Variants in PPT1 observed in about 807,000 individuals in gnomAD.
PPT1 encodes ceroid-palmitoyl-palmitoyl-protein thioesterase 1.
Under a neutral mutation model 44.0 loss-of-function variants are expected in PPT1, and 24 were observed. That is an observed-to-expected ratio of 0.54 (90% CI 0.39 to 0.77). The LOEUF (loss-of-function observed/expected upper bound fraction) is 0.77. Ranked by LOEUF, PPT1 falls within the 30% of genes least tolerant of loss-of-function variation. PPT1 has a pLI of 0.00. For missense variants in PPT1, 341 were observed against 378.8 expected (o/e 0.90, Z 0.83); for synonymous variants, 148 against 140.2 (o/e 1.06, Z -0.39).
chr1:40,097,102 C>T lies in PPT1; in HGVS notation c.124+13G>A, dbSNP rs763458409. On this transcript the variant is annotated intron_variant, in intron 1 of 8. Coordinates refer to ENST00000642050, the MANE Select transcript of PPT1 (RefSeq NM_000310.4). ...AGAATCGCCAAACCCTTTTAAATTT[C>T]TCACTCACTCACCCATCCCATGCCA... 1.2e-5 allele frequency: 20 copies of T among 1,613,998 alleles called. No individual in the cohort carries two copies. The East Asian group carries it at 4.5e-4, about 36-fold the overall frequency.
intron 7 of PPT1, among the ~76,000 whole-genome samples, chr1:40,077,252 G>A (rs1181174936): frequency 1.3e-5 from 2 of 152,184 alleles, no homozygotes; most frequent in East Asian, 1.9e-4. Context: ...TGCAAGGCAC[G>A]GAAACAATTC....
chr1:40,073,097 C>T lies in PPT1; in HGVS notation c.*964G>A, dbSNP rs950132998. On this transcript the variant is annotated 3_prime_UTR_variant, in exon 9 of 9. Transcript: ENST00000642050. ...GAGAAAGGGAGTGTGTAGTATTTTC[C>T]AAGCTTTTTGAGCAAACAATCCTTT... 2 of 152,172 alleles carry T rather than the reference C, an allele frequency of 1.3e-5. No individual in the cohort carries two copies. Among genetic ancestry groups the T allele is most frequent in the Non-Finnish European group, 2.9e-5 (2 of 68,038 alleles). The allele number at this position is 152,172 out of a possible 1,614,324, so 9.4% of individuals were successfully genotyped here.
intron 5 of PPT1, 103 bp from the exon 6 acceptor site, chr1:40,080,590 G>A: frequency 9.1e-7 from 1 of 1,100,858 alleles, no homozygotes; most frequent in Non-Finnish European, 1.4e-6. Flanking sequence ...AAGGACAAAA[G>A]GCCAGCCAGG....
Position 40,092,284 on chromosome 1 carries a change from G to A in PPT1, c.235-112C>T, listed in dbSNP as rs554784040. 11 of 1,541,906 alleles carry A rather than the reference G, an allele frequency of 7.1e-6. No individual in the cohort carries two copies. In the East Asian group the frequency reaches 2.2e-4, roughly 32 times the overall value. ...GTATCCTCACATGAGCCACTCAAGG[G>A]TGAAAGTATCACTGTATGATCTGCT... On this transcript the variant is annotated intron_variant, in intron 2 of 8. Transcript: ENST00000642050.
At chr1:40,092,535 C>T in intron 1 of PPT1, 28 bp from the exon 2 acceptor site, 2 of 1,501,692 alleles carry the variant, frequency 1.3e-6, no homozygotes, top group Non-Finnish European at 1.9e-6. Context: ...ATGATGGAAA[C>T]TCATGAGTCC....
intron 5 of PPT1, among the ~76,000 whole-genome samples, chr1:40,081,913 A>T (rs956155121): frequency 3.3e-5 from 5 of 152,146 alleles, no homozygotes; most frequent in Non-Finnish European, 5.9e-5. Context: ...CTTTCTAGAG[A>T]CTTGTTGAAT....
rs1381558395 is a variant in PPT1, at chr1:40,076,898, T to C, written c.742A>G (p.Arg248Gly). 1.2e-6 allele frequency: 2 copies of C among 1,614,076 alleles called. No homozygotes were observed. The highest frequency in any genetic ancestry group is 1.7e-6 in the Non-Finnish European group (2 of 1,180,024). The change falls in exon 8 of 9, where the codon AGA becomes GGA. Residue 248 changes from arginine (R) to glycine (G), a missense_variant. Physicochemically the swap from Arg to Gly is moderately radical, Grantham distance 125. Coordinates refer to ENST00000642050, the MANE Select transcript of PPT1 (RefSeq NM_000310.4). ...PVDSEWFGFY[R>G]SGQAKETIPL... is the part of the protein sequence containing the mutation. ...ATGGTTTCCTTGGCTTGGCCACTTC[T>C]GTAAAATCCAAACCACTGCAGAAGA... is the stretch of plus-strand genomic sequence containing the variant.
intron 1 of PPT1, chr1:40,096,806 C>A: frequency 2.3e-6 from 1 of 432,086 alleles, no homozygotes; most frequent in Non-Finnish European, 4.3e-6. Context: ...AGCCGCAGCT[C>A]ACCTAGCCTG....
chr1:40,091,358 T>C lies in PPT1; in HGVS notation c.404A>G (p.Asn135Ser), dbSNP rs1342695798. ...AQRCPSPPMI[N>S]LISVGGQHQG... Reference sequence around the variant, plus strand: ...ATGTTGTCCCCCAACCGAGATCAGATTGATCATGGGAGGTGAAGGGCATCT... The same window carrying C: ...ATGTTGTCCCCCAACCGAGATCAGACTGATCATGGGAGGTGAAGGGCATCT... Residue 135 changes from asparagine (N) to serine (S), a missense_variant, in exon 4 of 9, where the codon AAT becomes AGT. Physicochemically the swap from Asn to Ser is conservative, Grantham distance 46 (BLOSUM62 1). Coordinates refer to ENST00000642050, the MANE Select transcript of PPT1 (RefSeq NM_000310.4). 1.2e-6 allele frequency: 2 copies of C among 1,613,868 alleles called. No homozygotes were observed. Among genetic ancestry groups the C allele is most frequent in the Non-Finnish European group, 1.7e-6 (2 of 1,179,918 alleles).
chr1:40,092,296 CT>C, intron 2 of PPT1, 101 bp downstream of exon 2: 1 of 1,527,338 alleles, frequency 6.5e-7, no homozygotes. Context: ...GAAAGTATCA[CT>C]GTATGATCTG....
At chr1:40,076,939 C>T in intron 7 of PPT1, 26 bp from the exon 8 acceptor site, 3 of 1,613,698 alleles carry the variant, frequency 1.9e-6, no homozygotes, top group East Asian at 2.2e-5. Flanking sequence ...AGGAAAGAAG[C>T]TCAGATATGA....
chr1:40,087,820 G>C (rs1649345186), intron 5 of PPT1, among the ~76,000 whole-genome samples: 1 of 151,994 alleles, frequency 6.6e-6, no homozygotes, highest in Admixed American at 6.6e-5. Context: ...GGAAAGCTTG[G>C]TGTAGCCTGA....
At chr1:40,091,440 G>C (rs763578182) in intron 3 of PPT1, 41 bp from the exon 4 acceptor site, 2 of 1,518,618 alleles carry the variant, frequency 1.3e-6, no homozygotes, top group African/African-American at 2.8e-5. Context: ...CTGTCAGATG[G>C]AAATGTATCA....
chr1:40,096,968 A>G (rs1649889580), intron 1 of PPT1, 147 bp downstream of exon 1: 14 of 1,420,662 alleles, frequency 9.9e-6, no homozygotes, highest in South Asian at 4.7e-5. Context: ...TCTCTTTCCA[A>G]TGCAGATCCT....
intron 1 of PPT1, chr1:40,094,064 C>A: frequency 1.5e-6 from 1 of 666,602 alleles, no homozygotes; most frequent in East Asian, 2.7e-5. Flanking sequence ...AATTAAGACA[C>A]CAAATTTACA....
Position 40,087,028 on chromosome 1 carries a change from T to C in PPT1, c.536+2382A>G, listed in dbSNP as rs575539263. Among the ~76,000 whole-genome samples, 3 of 152,180 alleles carry C rather than the reference T, an allele frequency of 2.0e-5. No homozygotes were observed. The South Asian group carries it at 6.2e-4, about 32-fold the overall frequency. On this transcript the variant is annotated intron_variant, in intron 5 of 8. Coordinates refer to ENST00000642050, the MANE Select transcript of PPT1 (RefSeq NM_000310.4). ...TGATTTCTCTTTATTACTTTAAGCCTTCACCATCTGCTCTGCTAAAACAGT... is the reference window on the plus strand; with the variant it reads ...TGATTTCTCTTTATTACTTTAAGCCCTCACCATCTGCTCTGCTAAAACAGT...
At chr1:40,085,601 A>G (rs1043338344) in intron 5 of PPT1, among the ~76,000 whole-genome samples, 2 of 152,182 alleles carry the variant, frequency 1.3e-5, no homozygotes, top group Admixed American at 1.3e-4. Context: ...CACCCTGATC[A>G]GTCAGCAGCC....
intron 5 of PPT1, among the ~76,000 whole-genome samples, chr1:40,086,398 G>T (rs894529883): frequency 6.6e-6 from 1 of 152,170 alleles, no homozygotes; most frequent in African/African-American, 2.4e-5. Context: ...ATGCCAAGCC[G>T]GGGGCTTCCC....
At chr1:40,082,241 G>A (rs3131661) in intron 5 of PPT1, 84,341 of 151,608 alleles carry the variant, frequency 0.56, 25,346 homozygotes, top group Non-Finnish European at 0.68. Flanking sequence ...AACGCCACTC[G>A]GTGGAGCAGG....
Sources: allele counts gnomAD v4.1 joint callset (sites outside exome capture counted in the v4.1 genomes callset), GRCh38; gene constraint gnomAD v4.1.1; transcripts MANE v1.5; gene names NCBI Gene and HGNC (gene_info 2026-07-23, HGNC 2026-07-21).